EXT1: variants seen among roughly 807,000 people sequenced by gnomAD.
EXT1 encodes the protein exostosin-1.
A neutral mutation model predicts 82.5 loss-of-function variants in EXT1; 20 were observed. That is an observed-to-expected ratio of 0.24 (90% CI 0.17 to 0.35). The LOEUF is 0.35. Among genes scored for constraint, EXT1 ranks in the 10% least tolerant of loss-of-function variants. The pLI is 1.00. For synonymous variants in EXT1, 348 were observed against 350.8 expected, an observed-to-expected ratio of 0.99 and a Z score of 0.09; for missense variants, 757 against 936.5, an observed-to-expected ratio of 0.81 and a Z score of 2.50.
intron 1 of EXT1, among the ~76,000 whole-genome samples, chr8:117,842,635 A>T (rs749323252): frequency 6.6e-6 from 1 of 152,252 alleles, no homozygotes; most frequent in Non-Finnish European, 1.5e-5. Context: ...ACCCCTAGTA[A>T]CAATTAAAAA....
intron 1 of EXT1, among the ~76,000 whole-genome samples, chr8:118,029,166 T>C (rs1459102118): frequency 6.6e-6 from 1 of 152,170 alleles, no homozygotes; most frequent in Non-Finnish European, 1.5e-5. Flanking sequence ...GCCAGGCTCA[T>C]GCTTGTAATC....
chr8:117,990,926 G>A (rs1815418663), intron 1 of EXT1, among the ~76,000 whole-genome samples: 1 of 152,164 alleles, frequency 6.6e-6, no homozygotes, highest in Non-Finnish European at 1.5e-5. Flanking sequence ...TCCAACACAA[G>A]AGCCTATGCA....
rs1004068256 is a variant in EXT1 at position 117,797,544 on chromosome 8, C to T, written c.*2168G>A. 3 of 152,018 alleles carry T rather than the reference C, an allele frequency of 2.0e-5. No homozygotes were observed. The highest frequency in any genetic ancestry group is 4.4e-5 in the Non-Finnish European group (3 of 67,996). 9.4% of individuals were successfully genotyped at this position (152,018 alleles called of 1,614,324 possible). ...TCAAGTTGGTTTTGGGGTCATTGAA[C>T]AAAATATCGCATTTATTTTTTGGTA... On this transcript the variant is annotated 3_prime_UTR_variant, in exon 11 of 11. Coordinates refer to ENST00000378204, the MANE Select transcript of EXT1 (RefSeq NM_000127.3).
intron 1 of EXT1, among the ~76,000 whole-genome samples, chr8:117,878,305 T>A (rs1016012217): frequency 6.6e-6 from 1 of 152,128 alleles, no homozygotes; most frequent in Non-Finnish European, 1.5e-5. Context: ...ATATTCAACC[T>A]ACTATCCAGA....
chr8:118,010,859 G>A (rs1345098296), intron 1 of EXT1, among the ~76,000 whole-genome samples: 7 of 152,180 alleles, frequency 4.6e-5, no homozygotes, highest in African/African-American at 7.2e-5. Context: ...AGCCACTTCC[G>A]TGGCAGACGC....
At chr8:117,818,589 A>G in intron 6 of EXT1, 59 bp from the exon 7 acceptor site, 1 of 1,260,288 alleles carries the variant, frequency 7.9e-7, no homozygotes, top group Non-Finnish European at 1.2e-6. Context: ...TATGCCTCCA[A>G]CCCAAAGCCT....
intron 1 of EXT1, among the ~76,000 whole-genome samples, chr8:118,023,066 A>G: frequency 6.6e-6 from 1 of 152,214 alleles, no homozygotes; most frequent in East Asian, 1.9e-4. Flanking sequence ...ATTTCAAGGC[A>G]AGGTCCCAAT....
intron 5 of EXT1, among the ~76,000 whole-genome samples, chr8:117,820,600 A>G (rs907087248): frequency 2.0e-5 from 3 of 152,016 alleles, no homozygotes; most frequent in Non-Finnish European, 4.4e-5. Flanking sequence ...AAGCAGGAGA[A>G]TTGCTTGAAC....
chr8:117,820,413 G>T (rs1418339428), intron 5 of EXT1, among the ~76,000 whole-genome samples: 1 of 152,144 alleles, frequency 6.6e-6, no homozygotes, highest in East Asian at 1.9e-4. Flanking sequence ...GTTTGTCTGG[G>T]CACGGTGGCT....
Position 117,799,868 on chromosome 8 carries a change from A to G in EXT1, c.2085T>C (p.Pro695=). 1 of 1,614,164 alleles carries G rather than the reference A, an allele frequency of 6.2e-7. No homozygotes were observed. The highest frequency in any genetic ancestry group is 1.3e-5 in the African/African-American group (1 of 75,052). The stretch of plus-strand genomic sequence containing the variant: ...AGCTCTGTCGCTGGGCAAAGTGGTC[A>G]GGGTCAGCCCAACGGGAAGCCCGAG... ...QTSRASRWAD[P]DHFAQRQSCM... Residue 695 remains proline, a synonymous_variant, in exon 11 of 11, where the codon CCT becomes CCC. Coordinates refer to ENST00000378204, the MANE Select transcript of EXT1 (RefSeq NM_000127.3).
At chr8:118,054,298 CT>C (rs1816761143) in intron 1 of EXT1, among the ~76,000 whole-genome samples, 1 of 152,184 alleles carries the variant, frequency 6.6e-6, no homozygotes, top group Non-Finnish European at 1.5e-5. Flanking sequence ...CTGATCTCCC[CT>C]ACTTCCTCAA....
chr8:117,870,552 A>G (rs1812850654), intron 1 of EXT1, among the ~76,000 whole-genome samples: 1 of 152,184 alleles, frequency 6.6e-6, no homozygotes, highest in African/African-American at 2.4e-5. Flanking sequence ...CAAGTTGTCC[A>G]TCAGTCTGTA....
intron 1 of EXT1, among the ~76,000 whole-genome samples, chr8:117,875,861 TG>T (rs2129907066): frequency 6.6e-6 from 1 of 152,218 alleles, no homozygotes; most frequent in Admixed American, 6.5e-5. Flanking sequence ...GCAGTGACCG[TG>T]GGTGCTTACT....
chr8:117,937,057 G>A (rs926688104), intron 1 of EXT1, among the ~76,000 whole-genome samples: 6 of 151,808 alleles, frequency 4.0e-5, no homozygotes, highest in African/African-American at 1.2e-4. Context: ...ACATCCCTTC[G>A]CTCCCTCCAT....
chr8:117,879,657 G>A (rs11785986), intron 1 of EXT1, among the ~76,000 whole-genome samples: 34,810 of 151,990 alleles, frequency 0.23, 4,182 homozygotes, highest in East Asian at 0.37. Flanking sequence ...GGGCATCACT[G>A]GCCTTTGTTT....
rs114638600 is a variant in EXT1, at chr8:117,902,443, C to T, written c.963-65242G>A. 4.7e-3 allele frequency among the ~76,000 whole-genome samples: 721 copies of T among 152,290 alleles called. 9 individuals are homozygous for T. Among genetic ancestry groups the T allele is most frequent in the African/African-American group, 0.015 (638 of 41,548 alleles). On this transcript the variant is annotated intron_variant, in intron 1 of 10. Coordinates refer to ENST00000378204, the MANE Select transcript of EXT1 (RefSeq NM_000127.3). ...AGATTTGTTTATACCAGCATCACCA[C>T]AAATGCGTGAGTAATGCATTGTGCC...
At chr8:118,021,297 T>C (rs1382630493) in intron 1 of EXT1, among the ~76,000 whole-genome samples, 1 of 152,188 alleles carries the variant, frequency 6.6e-6, no homozygotes, top group African/African-American at 2.4e-5. Context: ...GATCTGCAGG[T>C]ATCTCTCCCC....
intron 1 of EXT1, among the ~76,000 whole-genome samples, chr8:118,093,119 T>G (rs188256349): frequency 4.6e-5 from 7 of 152,048 alleles, no homozygotes; most frequent in Non-Finnish European, 7.4e-5. Context: ...AGAAAGAAAT[T>G]TTTATTTTGT....
At chr8:118,092,254 T>C (rs1469447330) in intron 1 of EXT1, among the ~76,000 whole-genome samples, 1 of 152,186 alleles carries the variant, frequency 6.6e-6, no homozygotes, top group Non-Finnish European at 1.5e-5. Flanking sequence ...AAAGGAGATA[T>C]AGAAAACTAA....
Sources: gnomAD v4.1 joint callset for allele counts (sites outside exome capture counted in the v4.1 genomes callset) on GRCh38, gnomAD v4.1.1 for gene constraint, MANE v1.5 for transcripts, NCBI Gene and HGNC (gene_info 2026-07-23, HGNC 2026-07-21) for gene names.